Variants in MICAL2 observed in about 807,000 individuals in gnomAD.
MICAL2 encodes [F-actin]-monooxygenase MICAL2.
A neutral mutation model predicts 127.3 loss-of-function variants in MICAL2; 77 were observed. The observed-to-expected ratio is 0.60, with a 90% CI of 0.50 to 0.73. The LOEUF is 0.73. Among genes scored for constraint, MICAL2 ranks in the 30% least tolerant of loss-of-function variants. The probability of loss-of-function intolerance (pLI) is 0.00; values close to 1 mark genes in which losing one functional copy is unlikely to be tolerated. For synonymous variants in MICAL2, 570 were observed against 551.1 expected (o/e 1.03, Z -0.48); for missense variants, 1,351 against 1,434.4 (o/e 0.94, Z 0.94).
intron 2 of MICAL2, among the ~76,000 whole-genome samples, chr11:12,282,622 T>G (rs888709726): frequency 2.0e-5 from 3 of 152,242 alleles, no homozygotes; most frequent in Admixed American, 6.5e-5. Flanking sequence ...AGTTTGATTC[T>G]GAGTTTTCTA....
chr11:12,133,049 A>G (rs985559669), intron 1 of MICAL2, among the ~76,000 whole-genome samples: 3 of 152,018 alleles, frequency 2.0e-5, no homozygotes, highest in Non-Finnish European at 4.4e-5. Flanking sequence ...TTTTGCTACC[A>G]GGCCATGGAT....
chr11:12,225,257 C>G (rs928823421), intron 13 of MICAL2, among the ~76,000 whole-genome samples: 2 of 152,218 alleles, frequency 1.3e-5, no homozygotes, highest in African/African-American at 4.8e-5. Flanking sequence ...CTTACCTTCT[C>G]TGAGCTTTAG....
At chr11:12,246,873 C>T (rs1860828698) in intron 21 of MICAL2, among the ~76,000 whole-genome samples, 1 of 152,172 alleles carries the variant, frequency 6.6e-6, no homozygotes, top group East Asian at 1.9e-4. Context: ...GAGGCTTACA[C>T]CCTACAAGCC....
chr11:12,285,149 C>T (rs573925117), intron 2 of MICAL2, among the ~76,000 whole-genome samples: 11 of 151,994 alleles, frequency 7.2e-5, no homozygotes, highest in Non-Finnish European at 1.6e-4. Context: ...CATAGGGAGT[C>T]AAAGCTGTCC....
chr11:12,169,090 C>T (rs1046246997), intron 3 of MICAL2, among the ~76,000 whole-genome samples: 5 of 151,938 alleles, frequency 3.3e-5, no homozygotes, highest in African/African-American at 9.7e-5. Context: ...TTTCTCCACT[C>T]CCCCAGTTTT....
At chr11:12,160,969 TG>T (rs1311997676) in intron 2 of MICAL2, among the ~76,000 whole-genome samples, 1 of 152,220 alleles carries the variant, frequency 6.6e-6, no homozygotes, top group Non-Finnish European at 1.5e-5. Flanking sequence ...ACTGCCCCTC[TG>T]GGGAGCACAG....
In MICAL2 at chr11:12,249,204, G is replaced by T. The variant is rs1357400116; in HGVS notation, c.2805G>T (p.Gly935=). The part of the protein sequence containing the change: ...PARKEKKSPS[G]FHFHPSHLRT... Reference sequence around the variant, plus strand: ...TAAAGGAAAAGAAGTCACCTTCAGGGTTCCATTTTCATCCCAGCCATTTGA... The same window carrying T: ...TAAAGGAAAAGAAGTCACCTTCAGGTTTCCATTTTCATCCCAGCCATTTGA... Residue 935 remains glycine, a synonymous_variant, in exon 22 of 28, where the codon GGG becomes GGT. Transcript: ENST00000683283. The T allele has an allele frequency of 2.5e-6, 4 of 1,613,576 alleles. No homozygotes were observed. Among genetic ancestry groups the T allele is most frequent in the Admixed American group, 3.3e-5 (2 of 60,000 alleles).
intron 27 of MICAL2, 101 bp from the exon 28 acceptor site, chr11:12,263,459 C>T (rs1172926760): frequency 6.5e-6 from 1 of 152,672 alleles, no homozygotes; most frequent in Non-Finnish European, 1.5e-5. Context: ...CACCCTGACC[C>T]CCGGGCCTGC....
intron 32 of MICAL2, among the ~76,000 whole-genome samples, chr11:12,334,501 G>A (rs138691113): frequency 0.013 from 1,905 of 151,536 alleles, 34 homozygotes; most frequent in African/African-American, 0.043. Flanking sequence ...TGCGCAACGT[G>A]CAGGTTAGTT....
At chr11:12,310,069 G>T (rs1864155116) in intron 29 of MICAL2, among the ~76,000 whole-genome samples, 2 of 151,996 alleles carry the variant, frequency 1.3e-5, no homozygotes, top group Admixed American at 1.3e-4. Context: ...ATATATTCTG[G>T]TTATTAATCC....
intron 24 of MICAL2, among the ~76,000 whole-genome samples, chr11:12,270,963 T>A (rs1863668016): frequency 6.6e-6 from 1 of 152,198 alleles, no homozygotes; most frequent in Non-Finnish European, 1.5e-5. Context: ...TCCATAACCC[T>A]GCGGCAGGGG....
At chr11:12,142,449 A>T (rs1291279408) in intron 2 of MICAL2, among the ~76,000 whole-genome samples, 4 of 152,226 alleles carry the variant, frequency 2.6e-5, no homozygotes, top group Non-Finnish European at 1.5e-5. Flanking sequence ...TCAAAATCAT[A>T]TGAGCGTTGT....
chr11:12,271,693 C>T (rs1386821441), upstream of MICAL2, among the ~76,000 whole-genome samples: 2 of 152,124 alleles, frequency 1.3e-5, no homozygotes, highest in Non-Finnish European at 2.9e-5. Context: ...ACTAGTATTA[C>T]TACTGTTATA....
At chr11:12,177,294 T>C (rs11022227) in intron 3 of MICAL2, among the ~76,000 whole-genome samples, 106,726 of 152,120 alleles carry the variant, frequency 0.7, 37,709 homozygotes, top group African/African-American at 0.79. Flanking sequence ...TCATAAGTCT[T>C]CTTTAGAGAA....
At chr11:12,242,926 G>A (rs1860186531) in intron 20 of MICAL2, 154 bp downstream of exon 20, 3 of 539,852 alleles carry the variant, frequency 5.6e-6, no homozygotes, top group African/African-American at 4.0e-5. Flanking sequence ...ATACAAGCTG[G>A]CATCTAGAAA....
At chr11:12,283,907 CT>C (rs1863797545) in intron 2 of MICAL2, among the ~76,000 whole-genome samples, 1 of 152,174 alleles carries the variant, frequency 6.6e-6, no homozygotes, top group South Asian at 2.1e-4. Context: ...TCGTGATAAT[CT>C]TGTTTAAAAG....
chr11:12,197,670 G>T (rs1032151), intron 3 of MICAL2: 60,846 of 152,084 alleles, frequency 0.4, 14,164 homozygotes, highest in African/African-American at 0.64. Context: ...ACCCAGAGAG[G>T]TACAAGCCCT....
downstream of MICAL2, among the ~76,000 whole-genome samples, chr11:12,360,460 A>C (rs1208107771): frequency 6.6e-6 from 1 of 152,182 alleles, no homozygotes; most frequent in East Asian, 1.9e-4. Context: ...AAGAATATCA[A>C]CTCATTATAA....
chr11:12,296,274 A>G (rs1863984530), downstream of MICAL2, among the ~76,000 whole-genome samples: 1 of 151,182 alleles, frequency 6.6e-6, no homozygotes, highest in Non-Finnish European at 1.5e-5. Context: ...AAGCTTTTTT[A>G]TTTTCTTATT....
Sources: allele counts gnomAD v4.1 joint callset (sites outside exome capture counted in the v4.1 genomes callset), GRCh38; gene constraint gnomAD v4.1.1; transcripts MANE v1.5; gene names NCBI Gene and HGNC (gene_info 2026-07-23, HGNC 2026-07-21).